Variants in SLC15A5 observed in about 807,000 individuals in gnomAD.
The protein encoded by SLC15A5 is solute carrier family 15 member 5.
In SLC15A5, 58 loss-of-function variants were observed where a neutral mutation model predicts 56.1. The ratio of observed to expected loss-of-function variants is 1.03; its 90% confidence interval spans 0.84 to 1.29. The LOEUF is 1.29. Among genes scored for constraint, SLC15A5 ranks in the 50% most tolerant of loss-of-function variants. The pLI, the probability that SLC15A5 is intolerant of heterozygous loss-of-function variation, is 0.00. For synonymous variants in SLC15A5, 264 were observed against 250.5 expected (o/e 1.05, Z -0.51); for missense variants, 681 against 672.1 (o/e 1.01, Z -0.15).
intron 7 of SLC15A5, among the ~76,000 whole-genome samples, chr12:16,211,999 ACT>A (rs1864085902): frequency 6.6e-6 from 1 of 152,142 alleles, no homozygotes; most frequent in East Asian, 1.9e-4. Flanking sequence ...GTATACTAAC[ACT>A]CTCACACACT....
intron 2 of SLC15A5, among the ~76,000 whole-genome samples, chr12:16,270,085 T>A (rs960889451): frequency 6.6e-6 from 1 of 152,174 alleles, no homozygotes; most frequent in Non-Finnish European, 1.5e-5. Context: ...TTTATTTTTG[T>A]AGTGAGGTGC....
Position 16,230,427 on chromosome 12 carries a change from T to C in SLC15A5, c.1163-5825A>G, listed in dbSNP as rs183619961. 1.6e-4 allele frequency among the ~76,000 whole-genome samples: 25 copies of C among 152,248 alleles called. No individual in the cohort carries two copies. The East Asian group carries it at 4.4e-3, about 27-fold the overall frequency. Reference sequence around the variant, plus strand: ...TACTGAGCTCTTTTTTTTGTCCTAATAGTGCAAGAGCTGAACCATCCCAGA... The same window carrying C: ...TACTGAGCTCTTTTTTTTGTCCTAACAGTGCAAGAGCTGAACCATCCCAGA... On this transcript the variant is annotated intron_variant, in intron 5 of 8. Coordinates refer to ENST00000344941, the MANE Select transcript of SLC15A5 (RefSeq NM_001170798.1).
At chr12:16,266,703 G>A (rs1237409232) in intron 2 of SLC15A5, among the ~76,000 whole-genome samples, 2 of 152,110 alleles carry the variant, frequency 1.3e-5, no homozygotes, top group Non-Finnish European at 2.9e-5. Context: ...TTACCATTAA[G>A]ACTCCTTTCA....
chr12:16,271,648 CAT>C lies in SLC15A5; in HGVS notation c.584+911_584+912del, dbSNP rs1286331273. On this transcript the variant is annotated intron_variant, in intron 2 of 8. Transcript: ENST00000344941. This position sits in a 1 kb window ranked among gnomAD's most constrained non-coding sequence, Gnocchi z 8.0. ...ATAGCTACATATGCCTATACATACACATATAGACACTATTTACTCTAAAAATG... is the reference window on the plus strand; with the variant it reads ...ATAGCTACATATGCCTATACATACACATAGACACTATTTACTCTAAAAATG... Among the ~76,000 whole-genome samples the C allele has an allele frequency of 6.6e-6, 1 of 152,132 alleles. No individual in the cohort carries two copies. The highest frequency in any genetic ancestry group is 1.5e-5 in the Non-Finnish European group (1 of 68,016).
Position 16,194,467 on chromosome 12 carries a change from AT to A in SLC15A5, c.1484-15del. On this transcript the variant is annotated splice_polypyrimidine_tract_variant and intron_variant, in intron 7 of 8. Transcript: ENST00000344941. ...GAAACCAATTGCCTGTTTGGAACAAATGTAATTGTTATTCAACTGCAGAGTT... is the reference window on the plus strand; with the variant it reads ...GAAACCAATTGCCTGTTTGGAACAAAGTAATTGTTATTCAACTGCAGAGTT... 6.8e-7 allele frequency: 1 copy of A among 1,478,186 alleles called. No homozygotes were observed. The highest frequency in any genetic ancestry group is 9.1e-7 in the Non-Finnish European group (1 of 1,094,844). The allele number at this position is 1,478,186 out of a possible 1,614,324, so 91.6% of individuals were successfully genotyped here.
At chr12:16,217,344 G>A (rs936811923) in intron 6 of SLC15A5, among the ~76,000 whole-genome samples, 23 of 152,030 alleles carry the variant, frequency 1.5e-4, no homozygotes, top group Admixed American at 1.0e-3. Flanking sequence ...TAGAGGTGTG[G>A]CCTCTATTAG....
At chr12:16,229,768 T>C (rs192843170) in intron 5 of SLC15A5, among the ~76,000 whole-genome samples, 18 of 152,234 alleles carry the variant, frequency 1.2e-4, no homozygotes, top group Admixed American at 1.2e-3. Flanking sequence ...AAGTCTACTG[T>C]ATTGAAGAAT....
intron 8 of SLC15A5, 39 bp from the exon 9 acceptor site, chr12:16,189,854 T>G: frequency 7.3e-7 from 1 of 1,369,614 alleles, no homozygotes; most frequent in Non-Finnish European, 9.5e-7. Flanking sequence ...TAGGACCAGA[T>G]GTAGATGAAT....
chr12:16,206,074 G>C (rs570895608), intron 7 of SLC15A5, among the ~76,000 whole-genome samples: 1 of 151,966 alleles, frequency 6.6e-6, no homozygotes, highest in East Asian at 1.9e-4. Flanking sequence ...TTTTGCTTGG[G>C]AGCGAAAAAG....
chr12:16,253,734 T>C (rs1232396692), intron 3 of SLC15A5, among the ~76,000 whole-genome samples: 1 of 152,034 alleles, frequency 6.6e-6, no homozygotes, highest in Non-Finnish European at 1.5e-5. Context: ...TGTCACTTCA[T>C]AGCCATCATT....
rs554945599 is a variant in SLC15A5 at position 16,191,091 on chromosome 12, G to A, written c.1593-1276C>T. ...CTTCACCCCTAAACTGGAAAGCCTC[G>A]AGTATGACATGTCACTAATGCAGTA... On this transcript the variant is annotated intron_variant, in intron 8 of 8. Transcript: ENST00000344941. Among the ~76,000 whole-genome samples, 5 of 152,136 alleles carry A rather than the reference G, an allele frequency of 3.3e-5. No homozygotes were observed. The South Asian group carries it at 6.2e-4, about 19-fold the overall frequency.
At chr12:16,217,623 A>C (rs767269755) in intron 6 of SLC15A5, among the ~76,000 whole-genome samples, 2 of 152,158 alleles carry the variant, frequency 1.3e-5, no homozygotes, top group Non-Finnish European at 2.9e-5. Context: ...TACCTGCAAT[A>C]CTACATGTAA....
intron 4 of SLC15A5, 99 bp from the exon 5 acceptor site, chr12:16,239,966 A>G: frequency 9.3e-7 from 1 of 1,074,850 alleles, no homozygotes; most frequent in Non-Finnish European, 1.3e-6. Context: ...GTACTCTGTG[A>G]TGGATGAGCT....
intron 3 of SLC15A5, among the ~76,000 whole-genome samples, chr12:16,252,958 C>T (rs1255506649): frequency 6.6e-6 from 1 of 152,050 alleles, no homozygotes; most frequent in African/African-American, 2.4e-5. Flanking sequence ...ACCAATGGAA[C>T]AGAGTAGAGA....
chr12:16,256,123 A>G (rs1864569349), intron 3 of SLC15A5, among the ~76,000 whole-genome samples: 1 of 152,244 alleles, frequency 6.6e-6, no homozygotes, highest in African/African-American at 2.4e-5. Flanking sequence ...TTACATTAGC[A>G]GAATGTTGAA....
intron 7 of SLC15A5, among the ~76,000 whole-genome samples, chr12:16,209,419 A>G (rs968158208): frequency 4.6e-5 from 7 of 151,988 alleles, no homozygotes; most frequent in Middle Eastern, 3.2e-3. Flanking sequence ...TACTCACACT[A>G]TGTAATTTCA....
Position 16,277,578 on chromosome 12 carries a change from A to G in SLC15A5, c.108T>C (p.Ser36=). ...RHIGDLCSSH[S]VKKIQVGICL... ...AGATTCCAACCTGAATTTTTTTCAC[A>G]GAGTGTGAGGAACACAAATCGCCAA... Residue 36 remains serine (S), a synonymous_variant, in exon 1 of 9, where the codon TCT becomes TCC. Transcript: ENST00000344941. The G allele has an allele frequency of 6.5e-7, 1 of 1,536,578 alleles. No individual in the cohort carries two copies. The highest frequency in any genetic ancestry group is 2.4e-5 in the East Asian group (1 of 40,902).
At chr12:16,256,807 G>A (rs1017703269) in intron 3 of SLC15A5, among the ~76,000 whole-genome samples, 7 of 151,618 alleles carry the variant, frequency 4.6e-5, no homozygotes, top group East Asian at 3.9e-4. Flanking sequence ...TGCAGTGAGC[G>A]GACATCGCAC....
chr12:16,206,939 G>A (rs973912328), intron 7 of SLC15A5, among the ~76,000 whole-genome samples: 2 of 152,084 alleles, frequency 1.3e-5, no homozygotes, highest in Admixed American at 6.5e-5. Context: ...GCATTGGGAA[G>A]TAAAAACCCA....
Sources: allele counts gnomAD v4.1 joint callset (sites outside exome capture counted in the v4.1 genomes callset), GRCh38; gene constraint gnomAD v4.1.1; non-coding constraint Gnocchi (gnomAD v3.1); transcripts MANE v1.5; gene names NCBI Gene and HGNC (gene_info 2026-07-23, HGNC 2026-07-21).